The following CLCN6 variants were observed in gnomAD, a reference collection of about 807,000 sequenced individuals.
CLCN6 encodes the protein H(+)/Cl(-) exchange transporter 6.
A neutral mutation model predicts 109.8 loss-of-function variants in CLCN6; 70 were observed. The observed-to-expected ratio is 0.64, with a 90% CI of 0.53 to 0.78. The LOEUF (loss-of-function observed/expected upper bound fraction) is 0.78, where lower values mean the gene tolerates loss of function less well. Among genes scored for constraint, CLCN6 ranks in the 30% least tolerant of loss-of-function variants. The pLI is 0.00. For missense variants in CLCN6, 984 were observed against 1,142.3 expected (o/e 0.86, Z 2.00); for synonymous variants, 444 against 447.8 (o/e 0.99, Z 0.11).
chr1:11,817,273 C>T (rs1044781268), intron 4 of CLCN6, among the ~76,000 whole-genome samples: 10 of 152,076 alleles, frequency 6.6e-5, no homozygotes, highest in African/African-American at 2.4e-4. Flanking sequence ...AAAGCGAAGT[C>T]GTGGGTACGG....
intron 13 of CLCN6, 76 bp from the exon 14 acceptor site, chr1:11,833,439 A>G: frequency 6.7e-7 from 1 of 1,490,522 alleles, no homozygotes; most frequent in Non-Finnish European, 9.2e-7. Context: ...CCTGTTTTGG[A>G]CCCGGCTGGA....
chr1:11,839,038 C>T (rs1382666365), intron 22 of CLCN6: 6 of 619,010 alleles, frequency 9.7e-6, no homozygotes, highest in East Asian at 8.3e-5. Flanking sequence ...AGATATAAAA[C>T]ACCTAGTAAT....
intron 2 of CLCN6, among the ~76,000 whole-genome samples, chr1:11,812,657 A>C (rs12123964): frequency 0.13 from 16,686 of 124,014 alleles, 1,355 homozygotes; most frequent in Middle Eastern, 0.24. Context: ...AAAAAGACAA[A>C]GTATGTTTGT....
At chr1:11,815,453 T>A (rs1557779983) in intron 2 of CLCN6, among the ~76,000 whole-genome samples, 2 of 152,118 alleles carry the variant, frequency 1.3e-5, no homozygotes, top group Non-Finnish European at 2.9e-5. Flanking sequence ...TGGAGTGCAG[T>A]GGTGCGATCT....
In CLCN6 at chr1:11,840,248, G is replaced by T. The variant is rs1195844500; in HGVS notation, c.*25G>T. On this transcript the variant is annotated 3_prime_UTR_variant, in exon 23 of 23. Transcript: ENST00000346436. ...ACAGCCCAGCCCACCCTCTCCTGGT[G>T]CTGCCTGGGGAGGCAAATCATGCTC... 1 of 1,594,588 alleles carries T rather than the reference G, an allele frequency of 6.3e-7. No individual in the cohort carries two copies. Among genetic ancestry groups the T allele is most frequent in the South Asian group, 1.1e-5 (1 of 90,800 alleles).
At chr1:11,839,539 T>C (rs991941185) in intron 22 of CLCN6, among the ~76,000 whole-genome samples, 11 of 152,216 alleles carry the variant, frequency 7.2e-5, no homozygotes, top group African/African-American at 2.4e-4. Context: ...TGGGATTACA[T>C]GCGTCAGCCA....
chr1:11,820,148 A>G (rs1388200926), intron 5 of CLCN6, among the ~76,000 whole-genome samples: 1 of 152,210 alleles, frequency 6.6e-6, no homozygotes, highest in African/African-American at 2.4e-5. Context: ...GTGATGAATG[A>G]TTTAATAAAA....
chr1:11,830,737 T>TTTTATA (rs1553120454), intron 13 of CLCN6, among the ~76,000 whole-genome samples: 1 of 91,112 alleles, frequency 1.1e-5, no homozygotes, highest in African/African-American at 4.0e-5. Context: ...TATGTATATA[T>TTTTATA]TATATATATA....
At chr1:11,810,026 T>C (rs1191315596) in intron 2 of CLCN6, among the ~76,000 whole-genome samples, 2 of 152,198 alleles carry the variant, frequency 1.3e-5, no homozygotes, top group Non-Finnish European at 2.9e-5. Context: ...GTTAAAAGCA[T>C]GTGTATAAAA....
chr1:11,842,080 C>T lies in CLCN6; in HGVS notation c.*1857C>T, dbSNP rs1645030564. On this transcript the variant is annotated 3_prime_UTR_variant, in exon 23 of 23. Coordinates refer to ENST00000346436, the MANE Select transcript of CLCN6 (RefSeq NM_001286.5). ...TTTATTAAGAAGGAAGCCAATTGTC[C>T]AAGTCAGGAGAATGGTGTGATCACC... is the stretch of plus-strand genomic sequence containing the variant. 1 of 152,166 alleles carries T rather than the reference C, an allele frequency of 6.6e-6. No homozygotes were observed. Among genetic ancestry groups the T allele is most frequent in the African/African-American group, 2.4e-5 (1 of 41,424 alleles). 9.4% of individuals were successfully genotyped at this position (152,166 alleles called of 1,614,324 possible). A position where few individuals can be genotyped will look rare whatever the true frequency, so the allele number is the denominator to read the frequency against.
chr1:11,826,184 A>G lies in CLCN6; in HGVS notation c.677A>G (p.Gln226Arg), dbSNP rs770682558. ...CAGAGCATCTCCTTACGGAAGATCC[A>G]GTTTAACTTCCCCTATTTCCGAAGC... The part of the protein sequence containing the change: ...QFQSISLRKI[Q>R]FNFPYFRSDR... The change falls in exon 9 of 23, where the codon CAG becomes CGG. Residue 226 changes from glutamine (Q) to arginine (R), a missense_variant. Transcript: ENST00000346436. 2 of 1,613,948 alleles carry G rather than the reference A, an allele frequency of 1.2e-6. No individual in the cohort carries two copies. The highest frequency in any genetic ancestry group is 1.7e-6 in the Non-Finnish European group (2 of 1,179,922).
At position 11,827,095 on chromosome 1, in the gene CLCN6, G is replaced by C; in HGVS notation, c.714G>C (p.Lys238Asn). 6.2e-7 allele frequency: 1 copy of C among 1,613,868 alleles called. No individual in the cohort carries two copies. The highest frequency in any genetic ancestry group is 1.3e-5 in the African/African-American group (1 of 75,008). The change falls in exon 10 of 23, where the codon AAG becomes AAC. Residue 238 changes from lysine to asparagine, a missense_variant. Lys to Asn is a moderately conservative substitution (Grantham distance 94). Coordinates refer to ENST00000346436, the MANE Select transcript of CLCN6 (RefSeq NM_001286.5). ...GTCTCTCTCCTCTCCTCAGAGACAA[G>C]AGAGACTTTGTATCAGCAGGAGCGG... is the stretch of plus-strand genomic sequence containing the variant. Reference protein sequence around the residue: ...NFPYFRSDRDKRDFVSAGAAA... With the variant: ...NFPYFRSDRDNRDFVSAGAAA...
At chr1:11,829,437 T>C (rs1415782378) in intron 13 of CLCN6, 115 bp downstream of exon 13, 1 of 1,233,514 alleles carries the variant, frequency 8.1e-7, no homozygotes, top group Admixed American at 1.9e-5. Flanking sequence ...TCCACACCCA[T>C]TACCTGAGCG....
chr1:11,828,034 A>C, intron 10 of CLCN6, 72 bp from the exon 11 acceptor site: 1 of 1,114,812 alleles, frequency 9.0e-7, no homozygotes, highest in South Asian at 1.3e-5. Context: ...AGTGGGTACC[A>C]GGAGGAAGGG....
At chr1:11,825,081 TAGAG>T (rs1389077573) in intron 8 of CLCN6, among the ~76,000 whole-genome samples, 8 of 152,162 alleles carry the variant, frequency 5.3e-5, no homozygotes, top group Admixed American at 3.9e-4. Flanking sequence ...AACTGAGGCT[TAGAG>T]AGGTTGAGGT....
At chr1:11,836,250 A>C in intron 18 of CLCN6, 97 bp downstream of exon 18, 1 of 1,154,090 alleles carries the variant, frequency 8.7e-7, no homozygotes, top group Non-Finnish European at 1.2e-6. Context: ...GGGTGGACTT[A>C]CCGGCTCTCA....
intron 22 of CLCN6, 41 bp from the exon 23 acceptor site, chr1:11,840,102 G>A: frequency 6.4e-7 from 1 of 1,567,480 alleles, no homozygotes. Flanking sequence ...TCGCCAGCGG[G>A]TTTTACCCTG....
intron 2 of CLCN6, among the ~76,000 whole-genome samples, chr1:11,808,269 G>GTGTGTT (rs1553189302): frequency 1.5e-5 from 2 of 129,764 alleles, no homozygotes; most frequent in Non-Finnish European, 3.4e-5. Context: ...GTGTGTGTGT[G>GTGTGTT]TTTTAAAGTA....
In CLCN6 at chr1:11,834,096, G is replaced by A; in HGVS notation, c.1526+66G>A. On this transcript the variant is annotated intron_variant, in intron 15 of 22. Coordinates refer to ENST00000346436, the MANE Select transcript of CLCN6 (RefSeq NM_001286.5). This position sits in a 1 kb window ranked among gnomAD's most constrained non-coding sequence, Gnocchi z 4.5. The stretch of plus-strand genomic sequence containing the variant: ...TGTGCACGTGTGCGTGTGTATGCAT[G>A]TGTGTGCGTGTGCGTGCGTTGATGT... 1.3e-6 allele frequency: 2 copies of A among 1,597,150 alleles called. No homozygotes were observed. The highest frequency in any genetic ancestry group is 1.7e-6 in the Non-Finnish European group (2 of 1,171,796).
Sources: gnomAD v4.1 joint callset for allele counts (sites outside exome capture counted in the v4.1 genomes callset) on GRCh38, gnomAD v4.1.1 for gene constraint, Gnocchi (gnomAD v3.1) non-coding constraint, MANE v1.5 for transcripts, NCBI Gene and HGNC (gene_info 2026-07-23, HGNC 2026-07-21) for gene names.